The following HOOK3 variants were observed in gnomAD, a reference collection of about 807,000 sequenced individuals.
HOOK3 encodes the protein hook microtubule tethering protein 3.
HOOK3 carries 24 observed loss-of-function variants against 116.3 expected under a neutral mutation model. That is an observed-to-expected ratio of 0.21 (90% CI 0.15 to 0.29). HOOK3 has a LOEUF of 0.29. Among genes scored for constraint, HOOK3 ranks in the 10% least tolerant of loss-of-function variants. The pLI is 1.00. For missense variants in HOOK3, 632 were observed against 830.2 expected (o/e 0.76, Z 2.93); for synonymous variants, 275 against 283.0 (o/e 0.97, Z 0.28).
intron 2 of HOOK3, among the ~76,000 whole-genome samples, chr8:42,924,941 C>G (rs192138288): frequency 1.8e-3 from 271 of 151,920 alleles, no homozygotes; most frequent in Non-Finnish European, 2.8e-3. Flanking sequence ...CCATTGCACT[C>G]CAGCCTGCCT....
chr8:43,005,383 G>C (rs992426520), intron 17 of HOOK3, among the ~76,000 whole-genome samples: 78 of 151,694 alleles, frequency 5.1e-4, no homozygotes, highest in African/African-American at 1.8e-3. Context: ...ACCACGCCTG[G>C]CTCATTTTTT....
intron 16 of HOOK3, chr8:43,000,763 G>A (rs1450653510): frequency 6.5e-6 from 1 of 154,456 alleles, no homozygotes; most frequent in Non-Finnish European, 1.4e-5. Context: ...TTGTTACACA[G>A]GCTGTGAGGT....
At chr8:42,920,339 T>G (rs556419624) in intron 2 of HOOK3, among the ~76,000 whole-genome samples, 1 of 152,240 alleles carries the variant, frequency 6.6e-6, no homozygotes, top group Admixed American at 6.5e-5. Context: ...AAAGTACTTA[T>G]GGCAATGGAA....
At chr8:42,991,004 A>G (rs762012567) in intron 15 of HOOK3, among the ~76,000 whole-genome samples, 13 of 152,168 alleles carry the variant, frequency 8.5e-5, no homozygotes, top group Non-Finnish European at 1.5e-4. Context: ...GTCTAGTTTC[A>G]TTATTTTGCA....
intron 15 of HOOK3, among the ~76,000 whole-genome samples, chr8:42,987,924 A>C (rs986895355): frequency 5.3e-5 from 8 of 151,956 alleles, no homozygotes; most frequent in African/African-American, 1.9e-4. Context: ...ATAGCTTCAT[A>C]GCTCACCTGA....
intron 8 of HOOK3, among the ~76,000 whole-genome samples, chr8:42,960,106 TATACTA>T (rs1222040288): frequency 2.0e-5 from 3 of 152,262 alleles, no homozygotes; most frequent in African/African-American, 7.2e-5. Context: ...TGCTAAGAGT[TATACTA>T]ATAAGATTTC....
At chr8:42,970,805 T>TTTTTTTTTTA (rs1808713991) in intron 11 of HOOK3, among the ~76,000 whole-genome samples, 1 of 145,416 alleles carries the variant, frequency 6.9e-6, no homozygotes, top group Non-Finnish European at 1.5e-5. Context: ...TTTTTTTTTC[T>TTTTTTTTTTA]GAGACAGGGT....
chr8:42,979,965 CT>C (rs1194992402), intron 13 of HOOK3, among the ~76,000 whole-genome samples: 301 of 138,608 alleles, frequency 2.2e-3, no homozygotes, highest in Middle Eastern at 3.7e-3. Context: ...TTTTTCTTTT[CT>C]TTTTTTTTTT....
chr8:43,028,019 C>G lies in HOOK3; in HGVS notation c.*9521C>G, dbSNP rs949474754. On this transcript the variant is annotated 3_prime_UTR_variant, in exon 22 of 22. Coordinates refer to ENST00000307602, the MANE Select transcript of HOOK3 (RefSeq NM_032410.4). ...AGTTTTTCTGTTATAAAAATTAATA[C>G]TAATCCTTTTTAAAGACCTTGGAAA... 3.1e-5 allele frequency: 6 copies of G among 193,250 alleles called. No individual in the cohort carries two copies. The highest frequency in any genetic ancestry group is 1.8e-3 in the Middle Eastern group (1 of 570). The allele number at this position is 193,250 out of a possible 1,614,324, so 12.0% of individuals were successfully genotyped here.
intron 2 of HOOK3, among the ~76,000 whole-genome samples, chr8:42,919,311 CG>C (rs1807601578): frequency 6.7e-6 from 1 of 150,270 alleles, no homozygotes; most frequent in Non-Finnish European, 1.5e-5. Flanking sequence ...GACGGGGTGG[CG>C]GCGGGGCAGA....
At chr8:42,982,536 G>T (rs1808971736) in intron 13 of HOOK3, 91 bp from the exon 14 acceptor site, 1 of 839,182 alleles carries the variant, frequency 1.2e-6, no homozygotes. Flanking sequence ...GATTTTTGCT[G>T]TTAAAATTAA....
intron 15 of HOOK3, among the ~76,000 whole-genome samples, chr8:42,995,102 G>A (rs543858719): frequency 6.6e-6 from 1 of 152,106 alleles, no homozygotes; most frequent in African/African-American, 2.4e-5. Flanking sequence ...AAACCACTCA[G>A]ATTTTTTTAC....
At chr8:42,992,273 G>C (rs557935405) in intron 15 of HOOK3, among the ~76,000 whole-genome samples, 1 of 149,554 alleles carries the variant, frequency 6.7e-6, no homozygotes, top group Admixed American at 6.7e-5. Flanking sequence ...GGTGGTGAGC[G>C]CCTGTAGTCC....
At chr8:43,010,259 A>G (rs986157367) in intron 18 of HOOK3, 46 bp from the exon 19 acceptor site, 1 of 403,562 alleles carries the variant, frequency 2.5e-6, no homozygotes, top group Non-Finnish European at 3.8e-6. Context: ...ATAACAATTT[A>G]TATATATTAT....
At chr8:42,980,839 G>A (rs549990377) in intron 13 of HOOK3, among the ~76,000 whole-genome samples, 7 of 151,894 alleles carry the variant, frequency 4.6e-5, no homozygotes, top group Non-Finnish European at 1.0e-4. Context: ...AGCCGAGATC[G>A]CGCCACTGCA....
intron 9 of HOOK3, among the ~76,000 whole-genome samples, chr8:42,965,197 A>C (rs745772200): frequency 1.3e-5 from 2 of 152,288 alleles, no homozygotes; most frequent in Non-Finnish European, 2.9e-5. Context: ...TAATGGTCAG[A>C]GCAGACCATA....
At position 43,013,114 on chromosome 8, in the gene HOOK3, A is replaced by G; in HGVS notation, c.1903A>G (p.Asn635Asp). 6.2e-7 allele frequency: 1 copy of G among 1,613,554 alleles called. No individual in the cohort carries two copies. The highest frequency in any genetic ancestry group is 1.7e-5 in the Admixed American group (1 of 60,008). ...AGCACCAGAAATACAAGCTCTTAAA[A>G]ATCAGCTCCAGGAACGAGACCGACT... The part of the protein sequence containing the change: ...GAAPEIQALK[N>D]QLQERDRLFH... The change falls in exon 20 of 22, where the codon AAT becomes GAT. Residue 635 changes from asparagine to aspartate, a missense_variant. Physicochemically the swap from Asn to Asp is conservative, Grantham distance 23. This residue lies in a region of HOOK3 where 483 missense variants were observed against 648.1 expected (regional missense o/e 0.75). Coordinates refer to ENST00000307602, the MANE Select transcript of HOOK3 (RefSeq NM_032410.4).
intron 2 of HOOK3, among the ~76,000 whole-genome samples, chr8:42,915,618 G>A (rs1422834885): frequency 1.3e-5 from 2 of 152,178 alleles, no homozygotes; most frequent in East Asian, 3.9e-4. Context: ...TTTTAGTAGA[G>A]ACGGGGTTTC....
chr8:42,947,467 G>A (rs1808251375), intron 5 of HOOK3, among the ~76,000 whole-genome samples: 2 of 152,098 alleles, frequency 1.3e-5, no homozygotes, highest in South Asian at 4.1e-4. Flanking sequence ...TATTCCTGTG[G>A]GAAAGAAGAT....
Sources: allele counts gnomAD v4.1 joint callset (sites outside exome capture counted in the v4.1 genomes callset), GRCh38; gene constraint gnomAD v4.1.1; regional missense constraint gnomAD v4.1.1; transcripts MANE v1.5; gene names NCBI Gene and HGNC (gene_info 2026-07-23, HGNC 2026-07-21).